ITIH2: variants seen among roughly 807,000 people sequenced by gnomAD.
The protein encoded by ITIH2 is inter-alpha-trypsin inhibitor heavy chain H2.
A neutral mutation model predicts 104.4 loss-of-function variants in ITIH2; 103 were observed. The ratio of observed to expected loss-of-function variants is 0.99; its 90% CI spans 0.84 to 1.16. ITIH2 has a LOEUF of 1.16. Ranked by LOEUF, ITIH2 falls within the 50% of genes most tolerant of loss-of-function variation. The pLI, the probability that ITIH2 is intolerant of heterozygous loss-of-function variation, is 0.00. For synonymous variants in ITIH2, 436 were observed against 435.4 expected (o/e 1.00, Z -0.02); for missense variants, 1,108 against 1,162.4 (o/e 0.95, Z 0.68).
At chr10:7,735,664 CTTTTCTTTTCT>C (rs1021327384) in intron 15 of ITIH2, among the ~76,000 whole-genome samples, 5 of 145,398 alleles carry the variant, frequency 3.4e-5, no homozygotes, top group East Asian at 2.1e-4. Context: ...CTTTTCTTTT[CTTTTCTTTTCT>C]TTTTTTTTTT....
intron 10 of ITIH2, among the ~76,000 whole-genome samples, 180 bp from the exon 11 acceptor site, chr10:7,727,523 C>G (rs1834961456): frequency 6.6e-6 from 1 of 152,202 alleles, no homozygotes. Flanking sequence ...GAATATTTCA[C>G]TGCACTGGGG....
chr10:7,731,408 A>T (rs1835001797), intron 12 of ITIH2, among the ~76,000 whole-genome samples: 1 of 152,148 alleles, frequency 6.6e-6, no homozygotes, highest in Non-Finnish European at 1.5e-5. Flanking sequence ...ATTAAGAGGT[A>T]TCTGCTGATT....
intron 12 of ITIH2, among the ~76,000 whole-genome samples, chr10:7,730,756 G>A (rs1834994810): frequency 6.6e-6 from 1 of 151,472 alleles, no homozygotes; most frequent in African/African-American, 2.4e-5. Context: ...GAAAGAACAT[G>A]TTTTTCCCTG....
In ITIH2 at chr10:7,749,429, G is replaced by A; in HGVS notation, c.*95G>A. 9.2e-7 allele frequency: 1 copy of A among 1,087,984 alleles called. No individual in the cohort carries two copies. The highest frequency in any genetic ancestry group is 1.6e-5 in the South Asian group (1 of 60,650). 67.4% of individuals were successfully genotyped at this position (1,087,984 alleles called of 1,614,324 possible). On this transcript the variant is annotated 3_prime_UTR_variant, in exon 21 of 21. Transcript: ENST00000358415. ...CGGTTTGAATAATTAAAATGAACCA[G>A]ATATCAGGGTGGTTAATTAAAATGA...
chr10:7,718,781 T>C (rs1834874983), intron 6 of ITIH2, among the ~76,000 whole-genome samples: 1 of 152,152 alleles, frequency 6.6e-6, no homozygotes, highest in South Asian at 2.1e-4. Flanking sequence ...GTGCAGTACT[T>C]GGTTTCCTGT....
At chr10:7,737,556 T>C (rs1835068975) in intron 15 of ITIH2, among the ~76,000 whole-genome samples, 1 of 133,708 alleles carries the variant, frequency 7.5e-6, no homozygotes, top group Non-Finnish European at 1.5e-5. Flanking sequence ...TTATGTATTC[T>C]ATATAATATT....
chr10:7,741,118 C>T (rs1835119384), intron 16 of ITIH2, among the ~76,000 whole-genome samples: 1 of 147,788 alleles, frequency 6.8e-6, no homozygotes, highest in Non-Finnish European at 1.5e-5. Context: ...CAGAATATTT[C>T]AAACTACCAT....
At position 7,703,352 on chromosome 10, in the gene ITIH2, C is replaced by T; in HGVS notation, c.-83C>T. ...AAGCGAACTGTACTCCTCTGCTGTTCCTTTGAACTTGGTTCAGTAGGAAGA... is the reference window on the plus strand; with the variant it reads ...AAGCGAACTGTACTCCTCTGCTGTTTCTTTGAACTTGGTTCAGTAGGAAGA... On this transcript the variant is annotated 5_prime_UTR_variant, in exon 1 of 21. Transcript: ENST00000358415. 1 of 880,132 alleles carries T rather than the reference C, an allele frequency of 1.1e-6. No individual in the cohort carries two copies. Among genetic ancestry groups the T allele is most frequent in the South Asian group, 1.4e-5 (1 of 73,466 alleles). The allele number at this position is 880,132 out of a possible 1,614,324, so 54.5% of individuals were successfully genotyped here. A position where few individuals can be genotyped will look rare whatever the true frequency, so the allele number is the denominator to read the frequency against.
chr10:7,740,655 T>C (rs1434023778), intron 16 of ITIH2, among the ~76,000 whole-genome samples: 1 of 152,238 alleles, frequency 6.6e-6, no homozygotes, highest in South Asian at 2.1e-4. Context: ...TTCTCTGTTG[T>C]ATGATGTAGT....
At chr10:7,735,596 A>C (rs996904000) in intron 15 of ITIH2, among the ~76,000 whole-genome samples, 2 of 152,012 alleles carry the variant, frequency 1.3e-5, no homozygotes, top group Admixed American at 6.6e-5. Context: ...ACATAATCAT[A>C]GTATTTTATA....
intron 16 of ITIH2, among the ~76,000 whole-genome samples, chr10:7,740,935 A>G (rs1166435761): frequency 6.6e-6 from 1 of 152,198 alleles, no homozygotes; most frequent in East Asian, 1.9e-4. Context: ...CAAAATGTCA[A>G]GCTGTGCTGA....
intron 3 of ITIH2, among the ~76,000 whole-genome samples, 168 bp downstream of exon 3, chr10:7,707,401 T>C (rs754735345): frequency 6.6e-6 from 1 of 152,116 alleles, no homozygotes; most frequent in Non-Finnish European, 1.5e-5. Context: ...CATTGAAGAG[T>C]GCAGTCTTTA....
chr10:7,744,125 C>T lies in ITIH2; in HGVS notation c.2253C>T (p.Asn751=). The T allele has an allele frequency of 1.2e-6, 2 of 1,614,042 alleles. No homozygotes were observed. The highest frequency in any genetic ancestry group is 1.7e-6 in the Non-Finnish European group (2 of 1,179,984). ...AGCTTGTTGGTGCCAAGAAGCCCAACAATGGAAAACTAAGCACCTATTTTG... is the reference window on the plus strand; with the variant it reads ...AGCTTGTTGGTGCCAAGAAGCCCAATAATGGAAAACTAAGCACCTATTTTG... ...NGQLVGAKKP[N]NGKLSTYFGK... The change falls in exon 18 of 21, where the codon AAC becomes AAT. Residue 751 remains asparagine, a synonymous_variant. Coordinates refer to ENST00000358415, the MANE Select transcript of ITIH2 (RefSeq NM_002216.3).
rs552214070 is a variant in ITIH2, at chr10:7,749,268, A to G, written c.2775A>G (p.Gly925=). Residue 925 remains glycine (G), a synonymous_variant, in exon 21 of 21, where the codon GGA becomes GGG. Coordinates refer to ENST00000358415, the MANE Select transcript of ITIH2 (RefSeq NM_002216.3). ...TCWFVHNSGK[G]FIDGHYKDYF... ...GGTTTGTGCACAACAGTGGAAAAGG[A>G]TTCATTGACGGGCATTACAAGGATT... 1 of 1,614,160 alleles carries G rather than the reference A, an allele frequency of 6.2e-7. No homozygotes were observed. The highest frequency in any genetic ancestry group is 1.1e-5 in the South Asian group (1 of 91,080).
At chr10:7,721,519 G>A (rs1341991725) in intron 7 of ITIH2, 130 bp from the exon 8 acceptor site, 8 of 783,118 alleles carry the variant, frequency 1.0e-5, no homozygotes, top group Admixed American at 2.3e-5. Flanking sequence ...TCAGTAATGG[G>A]TCCACCGATA....
At chr10:7,735,145 G>A (rs1376366681) in intron 15 of ITIH2, 54 bp downstream of exon 15, 1 of 1,508,628 alleles carries the variant, frequency 6.6e-7, no homozygotes, top group Admixed American at 2.0e-5. Flanking sequence ...TGCCCCGGGG[G>A]TGGGCGAAGT....
chr10:7,726,896 T>C (rs1345660497), intron 9 of ITIH2, 54 bp from the exon 10 acceptor site: 2 of 1,430,832 alleles, frequency 1.4e-6, no homozygotes, highest in Non-Finnish European at 1.9e-6. Context: ...TCCTAGTTCC[T>C]CTGAGGCTCA....
At chr10:7,710,520 TCTGG>T (rs1398865949) in intron 4 of ITIH2, among the ~76,000 whole-genome samples, 1 of 152,084 alleles carries the variant, frequency 6.6e-6, no homozygotes, top group Non-Finnish European at 1.5e-5. Context: ...GTGCATAAAG[TCTGG>T]CTATTTTTTT....
chr10:7,732,547 C>A, intron 14 of ITIH2, 70 bp downstream of exon 14: 2 of 1,530,986 alleles, frequency 1.3e-6, no homozygotes, highest in South Asian at 2.3e-5. Flanking sequence ...TATATGAAGT[C>A]ATACACAAAA....
Sources: gnomAD v4.1 joint callset for allele counts (sites outside exome capture counted in the v4.1 genomes callset) on GRCh38, gnomAD v4.1.1 for gene constraint, MANE v1.5 for transcripts, NCBI Gene and HGNC (gene_info 2026-07-23, HGNC 2026-07-21) for gene names.